Variants in PLEKHG1 observed in about 807,000 individuals in gnomAD.
The protein encoded by PLEKHG1 is pleckstrin homology and RhoGEF domain containing G1.
In PLEKHG1, 44 loss-of-function variants were observed where a neutral mutation model predicts 100.8. That is an observed-to-expected ratio of 0.44 (90% CI 0.34 to 0.56). The LOEUF (loss-of-function observed/expected upper bound fraction) is 0.56, where lower values mean the gene tolerates loss of function less well. PLEKHG1 is among the 20% of genes least tolerant of loss of function. PLEKHG1 has a pLI of 0.01. For synonymous variants in PLEKHG1, 640 were observed against 662.5 expected (o/e 0.97, Z 0.52); for missense variants, 1,545 against 1,720.9 (o/e 0.90, Z 1.81).
chr6:150,711,205 G>T (rs1173670487), intron 3 of PLEKHG1, among the ~76,000 whole-genome samples: 1 of 152,136 alleles, frequency 6.6e-6, no homozygotes, highest in Non-Finnish European at 1.5e-5. Flanking sequence ...GACATACAAG[G>T]AGAAGGTGAT....
chr6:150,746,124 G>A (rs1263351532), intron 2 of PLEKHG1, among the ~76,000 whole-genome samples: 1 of 152,108 alleles, frequency 6.6e-6, no homozygotes, highest in Non-Finnish European at 1.5e-5. Flanking sequence ...GCACTCAGGG[G>A]AGACCAAGAT....
At chr6:150,748,213 T>C (rs542463550) in intron 2 of PLEKHG1, among the ~76,000 whole-genome samples, 20 of 152,330 alleles carry the variant, frequency 1.3e-4, no homozygotes, top group African/African-American at 4.1e-4. Context: ...CAAGTGTCCA[T>C]TGTTTTCCTT....
At chr6:150,769,419 TA>T (rs1351407765) in intron 3 of PLEKHG1, among the ~76,000 whole-genome samples, 2 of 151,240 alleles carry the variant, frequency 1.3e-5, no homozygotes, top group Non-Finnish European at 2.9e-5. Context: ...CCATCTCTAC[TA>T]AAAATACAAA....
chr6:150,817,382 A>G (rs1776029999), intron 10 of PLEKHG1, among the ~76,000 whole-genome samples: 2 of 152,166 alleles, frequency 1.3e-5, no homozygotes, highest in African/African-American at 4.8e-5. Context: ...TAATCACAGC[A>G]TTCTGCAGGA....
At chr6:150,731,962 C>CTTT (rs34542836) in intron 1 of PLEKHG1, among the ~76,000 whole-genome samples, 17 of 134,404 alleles carry the variant, frequency 1.3e-4, no homozygotes, top group South Asian at 2.4e-4. Flanking sequence ...TATTAAGTGA[C>CTTT]TTTTTTTTTT....
At chr6:150,797,666 C>T (rs1273466975) in intron 5 of PLEKHG1, among the ~76,000 whole-genome samples, 1 of 151,656 alleles carries the variant, frequency 6.6e-6, no homozygotes, top group South Asian at 2.1e-4. Flanking sequence ...AAAACCCCGT[C>T]TCTACTAAAA....
chr6:150,740,182 T>C (rs963402216), intron 2 of PLEKHG1, among the ~76,000 whole-genome samples: 2 of 152,252 alleles, frequency 1.3e-5, no homozygotes, highest in African/African-American at 4.8e-5. Context: ...AAATGGAATC[T>C]GAGTTGGCTT....
At chr6:150,656,831 T>C (rs1043657130) in intron 3 of PLEKHG1, among the ~76,000 whole-genome samples, 19 of 152,290 alleles carry the variant, frequency 1.2e-4, no homozygotes, top group Admixed American at 3.3e-4. Context: ...TCTGCCCCTG[T>C]TGGAGGAGCT....
At chr6:150,778,429 G>A (rs964876107) in intron 3 of PLEKHG1, among the ~76,000 whole-genome samples, 2 of 152,070 alleles carry the variant, frequency 1.3e-5, no homozygotes, top group African/African-American at 4.8e-5. Flanking sequence ...TACCCAGCCT[G>A]CAATCACATT....
At chr6:150,654,924 A>G (rs1778906170) in intron 3 of PLEKHG1, among the ~76,000 whole-genome samples, 1 of 152,262 alleles carries the variant, frequency 6.6e-6, no homozygotes, top group Non-Finnish European at 1.5e-5. Context: ...ATCTTTAGAA[A>G]GTCACTGAAG....
chr6:150,628,527 A>AACACACACACACACACACACACACACAC lies in PLEKHG1; in HGVS notation c.-203-9530_-203-9503dup, dbSNP rs565121317. Among the ~76,000 whole-genome samples the AACACACACACACACACACACACACACAC allele has an allele frequency of 6.9e-4, 65 of 94,778 alleles. 1 individual carries two copies. Among genetic ancestry groups the AACACACACACACACACACACACACACAC allele is most frequent in the Middle Eastern group, 6.4e-3 (1 of 156 alleles). The allele number at this position is 94,778 out of a possible 152,430, so 62.2% of individuals were successfully genotyped here. ...TTTTGGGATGGTATGTAGATAGGAA[A>AACACACACACACACACACACACACACAC]ACACACACACACACACACACACACA... On this transcript the variant is annotated intron_variant, in intron 1 of 3. Coordinates refer to the PLEKHG1 transcript ENST00000367326.
At chr6:150,821,579 G>T (rs564380697) in intron 13 of PLEKHG1, among the ~76,000 whole-genome samples, 69 of 152,072 alleles carry the variant, frequency 4.5e-4, no homozygotes, top group African/African-American at 1.6e-3. Flanking sequence ...AGCTACTTGG[G>T]AGGCTGAAGC....
At chr6:150,669,143 C>T (rs952641975) in intron 3 of PLEKHG1, among the ~76,000 whole-genome samples, 4 of 152,154 alleles carry the variant, frequency 2.6e-5, no homozygotes, top group African/African-American at 9.7e-5. Context: ...ATTTGCACAG[C>T]CCCACTGTGG....
intron 2 of PLEKHG1, among the ~76,000 whole-genome samples, chr6:150,738,299 C>T (rs1210664331): frequency 1.3e-5 from 2 of 152,170 alleles, no homozygotes; most frequent in East Asian, 1.9e-4. Context: ...GATACATAAT[C>T]CTTACCACTC....
chr6:150,815,186 C>T (rs754834227), intron 10 of PLEKHG1, among the ~76,000 whole-genome samples: 9 of 152,104 alleles, frequency 5.9e-5, no homozygotes, highest in Admixed American at 2.0e-4. Context: ...GAAATGAATG[C>T]ATAGTGGGAA....
At chr6:150,787,297 A>C (rs1049880843) in intron 4 of PLEKHG1, among the ~76,000 whole-genome samples, 1 of 152,214 alleles carries the variant, frequency 6.6e-6, no homozygotes, top group African/African-American at 2.4e-5. Context: ...ATACAAGGAA[A>C]GGATTTGACT....
chr6:150,708,585 A>G (rs946986004), intron 3 of PLEKHG1, among the ~76,000 whole-genome samples: 7 of 152,212 alleles, frequency 4.6e-5, no homozygotes, highest in Admixed American at 3.9e-4. Flanking sequence ...CCCAATTTCT[A>G]TGGAGGCTCA....
At chr6:150,607,182 T>A (rs1333304100) in intron 1 of PLEKHG1, among the ~76,000 whole-genome samples, 1 of 152,100 alleles carries the variant, frequency 6.6e-6, no homozygotes, top group Non-Finnish European at 1.5e-5. Flanking sequence ...TGCTGGACCA[T>A]GGTCCAGCCT....
rs1240282770 is a variant in PLEKHG1 at position 150,839,841 on chromosome 6, A to T, written c.3103A>T (p.Ile1035Phe). Residue 1035 changes from isoleucine (I) to phenylalanine (F), a missense_variant, in exon 16 of 16, where the codon ATT becomes TTT. Ile to Phe is a conservative substitution (Grantham distance 21). Coordinates refer to ENST00000358517, the Ensembl canonical transcript of PLEKHG1. ...CAATATTTGCCTTCCAGGTGCCAGG[A>T]TTGCTGAGTATTCCCAGTTGTATGA... 3 of 1,600,956 alleles carry T rather than the reference A, an allele frequency of 1.9e-6. No individual in the cohort carries two copies. The African/African-American group carries it at 4.0e-5, about 21-fold the overall frequency.
Sources: allele counts gnomAD v4.1 joint callset (sites outside exome capture counted in the v4.1 genomes callset), GRCh38; gene constraint gnomAD v4.1.1; transcripts MANE v1.5; gene names NCBI Gene and HGNC (gene_info 2026-07-23, HGNC 2026-07-21).